Variants in DNA2 observed in about 807,000 individuals in gnomAD.
DNA2 encodes DNA replication helicase/nuclease 2.
DNA2 carries 101 observed loss-of-function variants against 119.1 expected under a neutral mutation model. That is an observed-to-expected ratio of 0.85 (90% CI 0.72 to 1.00). The LOEUF (loss-of-function observed/expected upper bound fraction) is 1.00. DNA2 is among the 50% of genes least tolerant of loss of function. The pLI, the probability that DNA2 is intolerant of heterozygous loss-of-function variation, is 0.00. For synonymous variants in DNA2, 366 were observed against 424.4 expected (o/e 0.86, Z 1.69); for missense variants, 1,121 against 1,255.5 (o/e 0.89, Z 1.62).
intron 9 of DNA2, among the ~76,000 whole-genome samples, chr10:68,441,655 A>G (rs965630255): frequency 7.2e-5 from 11 of 152,162 alleles, no homozygotes; most frequent in Admixed American, 6.5e-4. Flanking sequence ...AGGCGCCTGT[A>G]ATCCCAGCTA....
At chr10:68,418,527 C>T (rs1197399782) in intron 19 of DNA2, among the ~76,000 whole-genome samples, 6 of 148,248 alleles carry the variant, frequency 4.0e-5, no homozygotes, top group Non-Finnish European at 7.4e-5. Flanking sequence ...AGTTTTGTTA[C>T]ATAGGTAGAC....
intron 1 of DNA2, 115 bp downstream of exon 1, chr10:68,471,676 A>G: frequency 1.5e-6 from 2 of 1,305,620 alleles, no homozygotes; most frequent in Non-Finnish European, 2.0e-6. Context: ...AGGGAGCTGC[A>G]CCGGGTCCCT....
At chr10:68,456,963 G>T (rs777155624) in intron 5 of DNA2, among the ~76,000 whole-genome samples, 76 of 151,346 alleles carry the variant, frequency 5.0e-4, no homozygotes, top group Non-Finnish European at 2.9e-4. Flanking sequence ...TGAAACCCCG[G>T]CTCTACTAAA....
chr10:68,434,299 C>G (rs962677480), intron 10 of DNA2, among the ~76,000 whole-genome samples: 1 of 151,338 alleles, frequency 6.6e-6, no homozygotes, highest in Non-Finnish European at 1.5e-5. Context: ...CCTGAACCTC[C>G]TAAAATTGAA....
chr10:68,431,172 A>G (rs1305331636), intron 13 of DNA2, among the ~76,000 whole-genome samples: 1 of 148,514 alleles, frequency 6.7e-6, no homozygotes, highest in Non-Finnish European at 1.5e-5. Flanking sequence ...TACAGGCATG[A>G]TCCACCTCGC....
At position 68,470,047 on chromosome 10, in the gene DNA2, T is replaced by G. The variant is rs1423876736; in HGVS notation, c.191A>C (p.Lys64Thr). Reference sequence around the variant, plus strand: ...CTGTGAAGCAGTGATGACCAGGCGCTTTTCACAGTTTCCCTCTTTGTTCTG... The same window carrying G: ...CTGTGAAGCAGTGATGACCAGGCGCGTTTCACAGTTTCCCTCTTTGTTCTG... ...TVQNKEGNCE[K>T]RLVITASQSL... Residue 64 changes from lysine to threonine, a missense_variant, in exon 2 of 21, where the codon AAG becomes ACG. Transcript: ENST00000358410. 6.2e-7 allele frequency: 1 copy of G among 1,613,838 alleles called. No individual in the cohort carries two copies. Among genetic ancestry groups the G allele is most frequent in the South Asian group, 1.1e-5 (1 of 91,052 alleles).
In DNA2 at chr10:68,471,874, G is replaced by A. The variant is rs773091366; in HGVS notation, c.-10C>T. On this transcript the variant is annotated 5_prime_UTR_variant, in exon 1 of 21. Transcript: ENST00000358410. ...CGTTCAGCTGCTCCATCCTGGACGC[G>A]GGGATCGCAAACTGTAGACAGAAAA... is the stretch of plus-strand genomic sequence containing the variant. 3 of 1,613,816 alleles carry A rather than the reference G, an allele frequency of 1.9e-6. No homozygotes were observed. The highest frequency in any genetic ancestry group is 1.3e-5 in the African/African-American group (1 of 74,932).
At chr10:68,448,976 T>TGCGCGC (rs1253290983) in intron 6 of DNA2, among the ~76,000 whole-genome samples, 1 of 140,086 alleles carries the variant, frequency 7.1e-6, no homozygotes, top group African/African-American at 2.7e-5. Context: ...TGCGTGTGTG[T>TGCGCGC]GTGTGTGTGT....
In DNA2 at chr10:68,459,252, A is replaced by G. The variant is rs2052225354; in HGVS notation, c.588-17T>C. The G allele has an allele frequency of 6.5e-7, 1 of 1,531,788 alleles. No homozygotes were observed. Among genetic ancestry groups the G allele is most frequent in the Non-Finnish European group, 8.8e-7 (1 of 1,140,680 alleles). The allele number at this position is 1,531,788 out of a possible 1,614,324, so 94.9% of individuals were successfully genotyped here. A position where few individuals can be genotyped will look rare whatever the true frequency, so the allele number is the denominator to read the frequency against. The stretch of plus-strand genomic sequence containing the variant: ...AAGCGGTACCTGCCAAAAATATAAT[A>G]GTAAATAGACTTAGACTTAAGCGGT... On this transcript the variant is annotated splice_polypyrimidine_tract_variant and intron_variant, in intron 4 of 20. Transcript: ENST00000358410.
At chr10:68,420,277 G>A (rs891070071) in intron 17 of DNA2, among the ~76,000 whole-genome samples, 2 of 152,164 alleles carry the variant, frequency 1.3e-5, no homozygotes, top group Non-Finnish European at 2.9e-5. Flanking sequence ...GGTGGCTCAC[G>A]CCTGTAATCC....
At chr10:68,451,110 A>G (rs954737694) in intron 5 of DNA2, among the ~76,000 whole-genome samples, 5 of 151,710 alleles carry the variant, frequency 3.3e-5, no homozygotes, top group Non-Finnish European at 4.4e-5. Context: ...AAAAAAAAAA[A>G]AAAAAAAGAA....
At chr10:68,454,100 T>A (rs1175159212) in intron 5 of DNA2, among the ~76,000 whole-genome samples, 1 of 152,132 alleles carries the variant, frequency 6.6e-6, no homozygotes, top group Non-Finnish European at 1.5e-5. Context: ...TTCTATGCCT[T>A]ATATGCTGTT....
In DNA2 at chr10:68,414,569, AG is replaced by A. The variant is rs1290276698; in HGVS notation, c.*469del. The A allele has an allele frequency of 6.6e-6, 1 of 152,514 alleles. No individual in the cohort carries two copies. The highest frequency in any genetic ancestry group is 1.5e-5 in the Non-Finnish European group (1 of 68,278). The allele number at this position is 152,514 out of a possible 1,614,324, so 9.4% of individuals were successfully genotyped here. On this transcript the variant is annotated 3_prime_UTR_variant, in exon 21 of 21. Transcript: ENST00000358410. ...TAATCAATTCATGTCATAAAAGACTAGGTTTAGAGTGAAAACACATCTGATA... is the reference window on the plus strand; with the variant it reads ...TAATCAATTCATGTCATAAAAGACTAGTTTAGAGTGAAAACACATCTGATA...
intron 14 of DNA2, 35 bp from the exon 15 acceptor site, chr10:68,422,925 T>C: frequency 7.0e-7 from 1 of 1,425,692 alleles, no homozygotes; most frequent in Non-Finnish European, 9.4e-7. Context: ...TTATTTAACA[T>C]GTAAAAGAAA....
intron 14 of DNA2, among the ~76,000 whole-genome samples, chr10:68,425,460 G>A (rs1422442937): frequency 6.7e-6 from 1 of 150,190 alleles, no homozygotes; most frequent in African/African-American, 2.5e-5. Flanking sequence ...GAGTACAGTG[G>A]CGGCGATCTC....
chr10:68,446,860 GC>G (rs151126395), intron 6 of DNA2, among the ~76,000 whole-genome samples: 25 of 152,230 alleles, frequency 1.6e-4, no homozygotes, highest in African/African-American at 5.5e-4. Context: ...TGAGGGTGGT[GC>G]GGGGGGAGAA....
chr10:68,433,038 T>C (rs1481491763), intron 10 of DNA2, among the ~76,000 whole-genome samples: 8 of 152,162 alleles, frequency 5.3e-5, no homozygotes, highest in Admixed American at 5.2e-4. Context: ...TCCTACCTGG[T>C]TCCTCACCCA....
intron 10 of DNA2, among the ~76,000 whole-genome samples, chr10:68,436,571 A>G (rs1387684969): frequency 6.6e-6 from 1 of 152,198 alleles, no homozygotes; most frequent in Non-Finnish European, 1.5e-5. Context: ...TTAATGATCA[A>G]TTTTGTTATA....
At chr10:68,432,534 A>C in intron 10 of DNA2, 24 bp from the exon 11 acceptor site, 1 of 1,271,290 alleles carries the variant, frequency 7.9e-7, no homozygotes, top group South Asian at 1.3e-5. Flanking sequence ...ACAAATATAC[A>C]TGAATGCTCG....
Sources: allele counts gnomAD v4.1 joint callset (sites outside exome capture counted in the v4.1 genomes callset), GRCh38; gene constraint gnomAD v4.1.1; transcripts MANE v1.5; gene names NCBI Gene and HGNC (gene_info 2026-07-23, HGNC 2026-07-21).